Variants in CBR4 observed in about 807,000 individuals in gnomAD.
The protein encoded by CBR4 is carbonyl reductase 4.
CBR4 carries 22 observed loss-of-function variants against 21.0 expected under a neutral mutation model. That is an observed-to-expected ratio of 1.05 (90% CI 0.75 to 1.50). The LOEUF (loss-of-function observed/expected upper bound fraction) is 1.50. Among genes scored for constraint, CBR4 ranks in the 40% most tolerant of loss-of-function variants. The pLI is 0.00. For synonymous variants in CBR4, 100 were observed against 104.4 expected (o/e 0.96, Z 0.26); for missense variants, 302 against 286.3 (o/e 1.05, Z -0.40).
intron 2 of CBR4, among the ~76,000 whole-genome samples, chr4:168,936,083 G>C (rs1299668741): frequency 1.3e-5 from 2 of 152,206 alleles, no homozygotes; most frequent in Non-Finnish European, 2.9e-5. Flanking sequence ...CCAGAGGAAA[G>C]AACAGGCAGC....
chr4:168,925,066 C>T (rs757758340), intron 2 of CBR4: 2 of 1,614,060 alleles, frequency 1.2e-6, no homozygotes, highest in South Asian at 2.2e-5. Context: ...TACTGCCAGG[C>T]TGGACGTTTA....
chr4:168,904,020 C>A, intron 2 of CBR4: 1 of 1,088,146 alleles, frequency 9.2e-7, no homozygotes, highest in Non-Finnish European at 1.4e-6. Flanking sequence ...ATTTATGAAA[C>A]TATTTTTCCA....
At position 168,916,684 on chromosome 4, in the gene CBR4, C is replaced by CTTT. The variant is rs545906704; in HGVS notation, n.170-21922_170-21920dup. On this transcript the variant is annotated intron_variant and non_coding_transcript_variant, in intron 2 of 3. Coordinates refer to the CBR4 transcript ENST00000509108. ...CTTTTATTCCTCCCATTTTCTAATT[C>CTTT]TTTTTTTTTTTTTTTGAGACAGAGT... Among the ~76,000 whole-genome samples, 459 of 136,424 alleles carry CTTT rather than the reference C, an allele frequency of 3.4e-3. 10 individuals carry two copies. Among genetic ancestry groups the CTTT allele is most frequent in the South Asian group, 9.1e-3 (40 of 4,406 alleles). 89.5% of individuals were successfully genotyped at this position (136,424 alleles called of 152,430 possible).
chr4:168,915,428 T>G (rs964549113), intron 2 of CBR4, among the ~76,000 whole-genome samples: 5 of 152,196 alleles, frequency 3.3e-5, no homozygotes, highest in African/African-American at 1.2e-4. Context: ...AAAACTTGCC[T>G]AAAAATGTAA....
chr4:168,930,124 A>C (rs1276512999), intron 2 of CBR4, among the ~76,000 whole-genome samples: 1 of 152,188 alleles, frequency 6.6e-6, no homozygotes, highest in Admixed American at 6.5e-5. Flanking sequence ...AAATTATGGC[A>C]GTTGTTAGAG....
chr4:168,894,719 G>T, exon 3 of CBR4: 1 of 1,597,930 alleles, frequency 6.3e-7, no homozygotes. Flanking sequence ...CATTTATTCT[G>T]TCCCCCTTTT....
intron 2 of CBR4, among the ~76,000 whole-genome samples, chr4:168,896,067 G>C (rs558640523): frequency 8.1e-4 from 124 of 152,208 alleles, no homozygotes; most frequent in Non-Finnish European, 1.5e-3. Flanking sequence ...AAAATTAGCC[G>C]GGTGTGGTGG....
chr4:168,966,189 A>G (rs1764020011), intron 2 of CBR4, among the ~76,000 whole-genome samples: 2 of 152,142 alleles, frequency 1.3e-5, no homozygotes, highest in South Asian at 2.1e-4. Context: ...CAAAACCACA[A>G]TGAAATACCA....
rs1027467560 is a variant in CBR4 at position 168,924,909 on chromosome 4, A to T, written n.170-30144T>A. ...TTCATGTCCAAAGCCACTTTTAAAA[A>T]ATTTAGAACCCTAATGACTTTATCC... On this transcript the variant is annotated intron_variant and non_coding_transcript_variant, in intron 2 of 3. Coordinates refer to the CBR4 transcript ENST00000509108. 2.5e-6 allele frequency: 4 copies of T among 1,613,622 alleles called. No homozygotes were observed. The South Asian group carries it at 4.4e-5, about 18-fold the overall frequency.
intron 3 of CBR4, chr4:169,006,023 G>A: frequency 1.5e-6 from 1 of 647,422 alleles, no homozygotes; most frequent in Non-Finnish European, 2.5e-6. Context: ...AGTTCTACAG[G>A]CATATACTCC....
At chr4:169,003,219 C>T (rs541952724) in intron 3 of CBR4, among the ~76,000 whole-genome samples, 1 of 152,136 alleles carries the variant, frequency 6.6e-6, no homozygotes, top group African/African-American at 2.4e-5. Flanking sequence ...AAGGATTCAC[C>T]GTTCTATATG....
intron 2 of CBR4, among the ~76,000 whole-genome samples, chr4:168,980,802 T>C (rs1434028707): frequency 6.6e-6 from 1 of 152,156 alleles, no homozygotes; most frequent in Non-Finnish European, 1.5e-5. Context: ...TGAAGGCAAG[T>C]GACTACAGTC....
At chr4:168,986,492 G>A (rs1375936446), downstream of CBR4, among the ~76,000 whole-genome samples, 1 of 152,138 alleles carries the variant, frequency 6.6e-6, no homozygotes, top group Non-Finnish European at 1.5e-5. Context: ...AAGTCTGCTT[G>A]ACCCCACCAT....
intron 2 of CBR4, among the ~76,000 whole-genome samples, chr4:168,950,633 C>T (rs1353813707): frequency 3.9e-5 from 6 of 152,002 alleles, no homozygotes; most frequent in African/African-American, 1.2e-4. Flanking sequence ...AGTTTAAATC[C>T]GTTCTTTGTT....
rs11729508 is a variant in CBR4, at chr4:168,943,889, G to T, written n.170-49124C>A. 8.6e-5 allele frequency among the ~76,000 whole-genome samples: 13 copies of T among 150,562 alleles called. No homozygotes were observed. In the South Asian group the frequency reaches 2.9e-3, roughly 33 times the overall value. On this transcript the variant is annotated intron_variant and non_coding_transcript_variant, in intron 2 of 3. Transcript: ENST00000509108. ...GGAGCTACTGCACTCCAGCCTGGGT[G>T]AAAGAGGGAAACTCTGTCTCAAAAC...
rs546834222 is a variant in CBR4, at chr4:168,989,034, A to T, written c.*1116T>A. On this transcript the variant is annotated 3_prime_UTR_variant, in exon 5 of 5. Coordinates refer to ENST00000306193, the MANE Select transcript of CBR4 (RefSeq NM_032783.5). ...TATTTCACATTCGGTTTGTGTCTTT[A>T]TCTCTACTCCCAGGCAAATATTCTC... is the stretch of plus-strand genomic sequence containing the variant. 1 of 984,856 alleles carries T rather than the reference A, an allele frequency of 1.0e-6. No homozygotes were observed. Among genetic ancestry groups the T allele is most frequent in the Admixed American group, 6.1e-5 (1 of 16,280 alleles). 61.0% of individuals were successfully genotyped at this position (984,856 alleles called of 1,614,324 possible). A position where few individuals can be genotyped will look rare whatever the true frequency, so the allele number is the denominator to read the frequency against.
intron 2 of CBR4, among the ~76,000 whole-genome samples, chr4:168,908,230 C>T (rs1286750075): frequency 6.6e-6 from 1 of 152,142 alleles, no homozygotes; most frequent in Admixed American, 6.5e-5. Context: ...GATATAAGTT[C>T]TGTGAGTCAT....
At chr4:168,902,118 G>A (rs995741200) in intron 2 of CBR4, among the ~76,000 whole-genome samples, 2 of 152,068 alleles carry the variant, frequency 1.3e-5, no homozygotes, top group Non-Finnish European at 2.9e-5. Context: ...TAGAATGCAG[G>A]TTTCAAAAAG....
rs1327818894 is a variant in CBR4 at position 168,989,920 on chromosome 4, T to C, written c.*230A>G. Reference sequence around the variant, plus strand: ...TATATGGTATGTGAATTGTATCTCATGAAGGCTTTTTAAACAAAACAACAC... The same window carrying C: ...TATATGGTATGTGAATTGTATCTCACGAAGGCTTTTTAAACAAAACAACAC... On this transcript the variant is annotated 3_prime_UTR_variant, in exon 5 of 5. Transcript: ENST00000306193. The C allele has an allele frequency of 2.5e-6, 3 of 1,177,426 alleles. No individual in the cohort carries two copies. Among genetic ancestry groups the C allele is most frequent in the East Asian group, 7.6e-5 (2 of 26,340 alleles). 72.9% of individuals were successfully genotyped at this position (1,177,426 alleles called of 1,614,324 possible). A position where few individuals can be genotyped will look rare whatever the true frequency, so the allele number is the denominator to read the frequency against.
Sources: allele counts gnomAD v4.1 joint callset (sites outside exome capture counted in the v4.1 genomes callset), GRCh38; gene constraint gnomAD v4.1.1; transcripts MANE v1.5; gene names NCBI Gene and HGNC (gene_info 2026-07-23, HGNC 2026-07-21).